Variants in SELENOI observed in about 807,000 individuals in gnomAD.
The protein encoded by SELENOI is selenoprotein I.
Under a neutral mutation model 50.7 loss-of-function variants are expected in SELENOI, and 24 were observed. The ratio of observed to expected loss-of-function variants is 0.47; its 90% CI spans 0.34 to 0.67. The LOEUF is 0.67. Among genes scored for constraint, SELENOI ranks in the 30% least tolerant of loss-of-function variants. SELENOI has a pLI of 0.01. For synonymous variants in SELENOI, 155 were observed against 170.2 expected, an observed-to-expected ratio of 0.91 and a Z score of 0.70; for missense variants, 352 against 461.4, an observed-to-expected ratio of 0.76 and a Z score of 2.17.
At chr2:26,352,582 G>A (rs903397634) in intron 1 of SELENOI, among the ~76,000 whole-genome samples, 1 of 152,028 alleles carries the variant, frequency 6.6e-6, no homozygotes, top group African/African-American at 2.4e-5. Context: ...TCAGGAGTTC[G>A]AGACCACCCT....
intron 4 of SELENOI, among the ~76,000 whole-genome samples, chr2:26,367,498 A>T (rs1677311159): frequency 6.6e-6 from 1 of 152,224 alleles, no homozygotes; most frequent in Admixed American, 6.5e-5. Flanking sequence ...ACTGGCACAC[A>T]TCTATGCTTA....
At chr2:26,374,435 G>T (rs139749075) in intron 5 of SELENOI, among the ~76,000 whole-genome samples, 1 of 152,220 alleles carries the variant, frequency 6.6e-6, no homozygotes, top group East Asian at 1.9e-4. Flanking sequence ...GAAGTGGTTG[G>T]GTGGGTAAAT....
At chr2:26,352,527 G>A (rs1463069200) in intron 1 of SELENOI, among the ~76,000 whole-genome samples, 1 of 152,192 alleles carries the variant, frequency 6.6e-6, no homozygotes, top group Non-Finnish European at 1.5e-5. Flanking sequence ...GCTCACGCCT[G>A]TAATCTCAGT....
chr2:26,371,257 A>T (rs1677435603), intron 4 of SELENOI, among the ~76,000 whole-genome samples: 1 of 146,570 alleles, frequency 6.8e-6, no homozygotes, highest in South Asian at 2.2e-4. Context: ...CTCACTTCTC[A>T]GACGGGGTGG....
intron 4 of SELENOI, among the ~76,000 whole-genome samples, chr2:26,372,142 C>T (rs995179031): frequency 1.3e-5 from 2 of 152,102 alleles, no homozygotes; most frequent in African/African-American, 2.4e-5. Context: ...GACAGAGTTT[C>T]GCTCTTGTTG....
In SELENOI at chr2:26,346,191, C is replaced by T. The variant is rs377643812; in HGVS notation, c.-42C>T. ...GTGCTTGTGTGTCACAGCCTTGTAG[C>T]CGGGAGTCGCTGCCGAGTGGGCGCT... On this transcript the variant is annotated 5_prime_UTR_variant, in exon 1 of 10. Transcript: ENST00000260585. 333 of 1,613,204 alleles carry T rather than the reference C, an allele frequency of 2.1e-4. 5 individuals are homozygous for T. The South Asian group carries it at 3.5e-3, about 17-fold the overall frequency.
In SELENOI at chr2:26,373,429, G is replaced by A; in HGVS notation, c.373G>A (p.Asp125Asn). The change falls in exon 5 of 10, where the codon GAT becomes AAT. Residue 125 changes from aspartate to asparagine, a missense_variant. Coordinates refer to ENST00000260585, the MANE Select transcript of SELENOI (RefSeq NM_033505.4). ...NSSTPLGELF[D>N]HGLDSWSCVY... ...TAGCACTCCCTTAGGGGAGCTTTTT[G>A]ATCATGGCCTGGATAGTTGGTCATG... The A allele has an allele frequency of 6.2e-7, 1 of 1,613,260 alleles. No homozygotes were observed. The highest frequency in any genetic ancestry group is 1.1e-5 in the South Asian group (1 of 90,912).
chr2:26,355,731 C>G (rs1342007570), intron 1 of SELENOI, among the ~76,000 whole-genome samples: 1 of 151,124 alleles, frequency 6.6e-6, no homozygotes, highest in Non-Finnish European at 1.5e-5. Context: ...CTTCAAGTCT[C>G]TCTCTCTCTC....
rs375360903 is a variant in SELENOI, at chr2:26,373,377, C to T, written c.321C>T (p.Asp107=). ...NFVAYTLDGV[D]GKQARRTNSS... is the part of the protein sequence containing the mutation. ...TTGTTTTTGTTGCAGATGGTGTGGA[C>T]GGAAAGCAAGCTCGCAGAACCAATT... Residue 107 remains aspartate (D), a synonymous_variant, in exon 5 of 10, where the codon GAC becomes GAT. Coordinates refer to ENST00000260585, the MANE Select transcript of SELENOI (RefSeq NM_033505.4). 2.4e-4 allele frequency: 382 copies of T among 1,609,158 alleles called. 1 individual carries two copies. The African/African-American group carries it at 4.1e-3, about 17-fold the overall frequency.
intron 4 of SELENOI, among the ~76,000 whole-genome samples, chr2:26,371,465 C>T (rs907729365): frequency 4.6e-5 from 7 of 152,018 alleles, no homozygotes; most frequent in South Asian, 2.1e-4. Context: ...GGGTGGCGGC[C>T]GGGCAGAGGC....
At chr2:26,371,166 A>G (rs1340454185) in intron 4 of SELENOI, among the ~76,000 whole-genome samples, 20 of 143,186 alleles carry the variant, frequency 1.4e-4, no homozygotes. Context: ...GACCCCTCCC[A>G]CCTCCCTCCC....
chr2:26,393,194 G>T lies in SELENOI; in HGVS notation c.*4091G>T, dbSNP rs889809379. On this transcript the variant is annotated 3_prime_UTR_variant, in exon 10 of 10. Transcript: ENST00000260585. ...TATTGTAGGGTATATGGTTAATCAC[G>T]ATTGTCTAACTTTTCCAGAGAAAGT... The T allele has an allele frequency of 1.3e-5, 2 of 152,624 alleles. No individual in the cohort carries two copies. Among genetic ancestry groups the T allele is most frequent in the Non-Finnish European group, 2.9e-5 (2 of 68,050 alleles). 9.5% of individuals were successfully genotyped at this position (152,624 alleles called of 1,614,324 possible). A position where few individuals can be genotyped will look rare whatever the true frequency, so the allele number is the denominator to read the frequency against.
rs1251292012 is a variant in SELENOI at position 26,392,459 on chromosome 2, C to A, written c.*3356C>A. On this transcript the variant is annotated 3_prime_UTR_variant, in exon 10 of 10. Coordinates refer to ENST00000260585, the MANE Select transcript of SELENOI (RefSeq NM_033505.4). ...GTGTTTGAGTCAGAGGCTACTTTTC[C>A]CCTTTATATTTTATATAGAAGCCTA... is the stretch of plus-strand genomic sequence containing the variant. The A allele has an allele frequency of 6.6e-6, 1 of 152,136 alleles. No homozygotes were observed. The highest frequency in any genetic ancestry group is 2.4e-5 in the African/African-American group (1 of 41,426). 9.4% of individuals were successfully genotyped at this position (152,136 alleles called of 1,614,324 possible).
intron 6 of SELENOI, among the ~76,000 whole-genome samples, chr2:26,381,761 G>A (rs1030402875): frequency 2.0e-5 from 3 of 152,082 alleles, no homozygotes; most frequent in African/African-American, 4.8e-5. Context: ...GTTCTACTTG[G>A]GCTTGGAAGT....
At chr2:26,349,343 G>A (rs1278104177) in intron 1 of SELENOI, among the ~76,000 whole-genome samples, 1 of 106,660 alleles carries the variant, frequency 9.4e-6, no homozygotes, top group Non-Finnish European at 1.8e-5. Flanking sequence ...TTTTGCTTTT[G>A]TCGCCCAGGC....
chr2:26,364,708 A>G (rs1350285111), intron 2 of SELENOI, 124 bp from the exon 3 acceptor site: 7 of 670,494 alleles, frequency 1.0e-5, no homozygotes, highest in Middle Eastern at 4.1e-4. Context: ...GTTAATGTCT[A>G]TAACTTCTCC....
At position 26,351,051 on chromosome 2, in the gene SELENOI, GT is replaced by G. The variant is rs201345011; in HGVS notation, c.57+4765del. Among the ~76,000 whole-genome samples, 303 of 102,036 alleles carry G rather than the reference GT, an allele frequency of 3.0e-3. 4 individuals are homozygous for G. The Middle Eastern group carries it at 0.038, about 13-fold the overall frequency. 66.9% of individuals were successfully genotyped at this position (102,036 alleles called of 152,430 possible). On this transcript the variant is annotated intron_variant, in intron 1 of 9. Transcript: ENST00000260585. Reference sequence around the variant, plus strand: ...GTAGAGAATTGGTTGTTCACTGTTTGTTTGTTTTTTTTTTTTTTTTTTTTTG... The same window carrying G: ...GTAGAGAATTGGTTGTTCACTGTTTGTTGTTTTTTTTTTTTTTTTTTTTTG...
At chr2:26,371,593 C>T (rs1346403279) in intron 4 of SELENOI, among the ~76,000 whole-genome samples, 2 of 152,264 alleles carry the variant, frequency 1.3e-5, no homozygotes, top group Non-Finnish European at 2.9e-5. Context: ...GTGAACCAGA[C>T]TCCGTCTGCA....
Position 26,364,863 on chromosome 2 carries a change from T to G in SELENOI, c.158T>G (p.Ile53Arg). The part of the protein sequence containing the change: ...VFPTWLAPNL[I>R]TFSGFLLVVF... ...CCTACTTGGCTGGCGCCCAATCTGA[T>G]AACTTTTTCTGGCTTTCTGCTGGTC... The change falls in exon 3 of 10, where the codon ATA becomes AGA. Residue 53 changes from isoleucine (I) to arginine (R), a missense_variant. Physicochemically the swap from Ile to Arg is moderately conservative, Grantham distance 97 (BLOSUM62 -3). Coordinates refer to ENST00000260585, the MANE Select transcript of SELENOI (RefSeq NM_033505.4). The G allele has an allele frequency of 6.2e-7, 1 of 1,610,432 alleles. No individual in the cohort carries two copies. Among genetic ancestry groups the G allele is most frequent in the Non-Finnish European group, 8.5e-7 (1 of 1,178,472 alleles).
Sources: gnomAD v4.1 joint callset for allele counts (sites outside exome capture counted in the v4.1 genomes callset) on GRCh38, gnomAD v4.1.1 for gene constraint, MANE v1.5 for transcripts, NCBI Gene and HGNC (gene_info 2026-07-23, HGNC 2026-07-21) for gene names.